The following CUL3 variants were observed in gnomAD, a reference collection of about 807,000 sequenced individuals.
CUL3 encodes the protein cullin 3.
A neutral mutation model predicts 89.1 loss-of-function variants in CUL3; 19 were observed. The ratio of observed to expected loss-of-function variants is 0.21; its 90% CI spans 0.15 to 0.31. The LOEUF is 0.31. Ranked by LOEUF, CUL3 falls within the 10% of genes least tolerant of loss-of-function variation. CUL3 has a pLI of 1.00. For synonymous variants in CUL3, 351 were observed against 308.4 expected (o/e 1.14, Z -1.45); for missense variants, 469 against 942.3 (o/e 0.50, Z 6.58).
intron 13 of CUL3, among the ~76,000 whole-genome samples, chr2:224,492,939 A>G (rs1433236511): frequency 1.3e-5 from 2 of 152,186 alleles, no homozygotes; most frequent in Non-Finnish European, 2.9e-5. Flanking sequence ...AAAGAGCCAC[A>G]TGAAAAGGCC....
In CUL3 at chr2:224,497,936, T is replaced by TGTGTG. The variant is rs1559346967; in HGVS notation, c.1611-88_1611-87insCACAC. On this transcript the variant is annotated intron_variant, in intron 11 of 15. Transcript: ENST00000264414. ...CTACAGGATAACATCCCTTAAACAT[T>TGTGTG]TGTGTGTGTGTGTGTGTGTGTATGG... 2.6e-4 allele frequency: 244 copies of TGTGTG among 923,268 alleles called. 1 individual carries two copies. Among genetic ancestry groups the TGTGTG allele is most frequent in the Middle Eastern group, 8.8e-4 (4 of 4,566 alleles). The allele number at this position is 923,268 out of a possible 1,614,324, so 57.2% of individuals were successfully genotyped here.
At chr2:224,571,035 A>G (rs2106321031) in intron 1 of CUL3, among the ~76,000 whole-genome samples, 1 of 152,340 alleles carries the variant, frequency 6.6e-6, no homozygotes, top group Admixed American at 6.5e-5. Context: ...ATAACATTTC[A>G]AAATGTGATA....
chr2:224,519,155 T>C (rs995999992), intron 3 of CUL3, among the ~76,000 whole-genome samples: 1 of 152,226 alleles, frequency 6.6e-6, no homozygotes, highest in South Asian at 2.1e-4. Flanking sequence ...ACTGACCTCA[T>C]GCATCGGGTT....
intron 2 of CUL3, among the ~76,000 whole-genome samples, chr2:224,549,284 C>T (rs1574683301): frequency 1.3e-5 from 2 of 151,072 alleles, no homozygotes; most frequent in South Asian, 4.2e-4. Context: ...GCCAACTGCA[C>T]TCCAGCCTGG....
chr2:224,577,343 C>G (rs1165652606), intron 1 of CUL3, among the ~76,000 whole-genome samples: 1 of 152,082 alleles, frequency 6.6e-6, no homozygotes, highest in Non-Finnish European at 1.5e-5. Flanking sequence ...ATGAGGCAGA[C>G]GGATCACGAG....
At chr2:224,478,058 A>C in intron 15 of CUL3, 142 bp downstream of exon 15, 1 of 739,462 alleles carries the variant, frequency 1.4e-6, no homozygotes, top group Non-Finnish European at 2.0e-6. Context: ...TTAGTTACCA[A>C]GTGAGTGCCA....
intron 2 of CUL3, among the ~76,000 whole-genome samples, chr2:224,536,856 T>C (rs1693917238): frequency 6.6e-6 from 1 of 152,238 alleles, no homozygotes; most frequent in Non-Finnish European, 1.5e-5. Flanking sequence ...CTCTGGTTCT[T>C]GTTTTATCAC....
At chr2:224,489,255 C>G (rs531508824) in intron 13 of CUL3, among the ~76,000 whole-genome samples, 1 of 152,266 alleles carries the variant, frequency 6.6e-6, no homozygotes, top group African/African-American at 2.4e-5. Context: ...AAGTTCTGGC[C>G]AGGGCAATCA....
intron 14 of CUL3, 158 bp from the exon 15 acceptor site, chr2:224,478,503 A>AAC (rs1691409996): frequency 6.2e-6 from 3 of 480,596 alleles, no homozygotes; most frequent in Non-Finnish European, 1.0e-5. Flanking sequence ...AACTGTCTTA[A>AAC]TGTTTACTTG....
intron 13 of CUL3, among the ~76,000 whole-genome samples, chr2:224,487,328 G>C (rs1269544014): frequency 6.6e-6 from 1 of 150,932 alleles, no homozygotes; most frequent in Non-Finnish European, 1.5e-5. Context: ...TGGCAAATTG[G>C]ATAAAGAGTC....
intron 2 of CUL3, among the ~76,000 whole-genome samples, chr2:224,538,485 G>C (rs1693974259): frequency 6.6e-6 from 1 of 152,158 alleles, no homozygotes; most frequent in South Asian, 2.1e-4. Flanking sequence ...GGGAAATATG[G>C]TGGGAGGGAT....
At chr2:224,505,474 C>T (rs1692563772) in intron 8 of CUL3, among the ~76,000 whole-genome samples, 1 of 152,110 alleles carries the variant, frequency 6.6e-6, no homozygotes, top group Admixed American at 6.5e-5. Context: ...CTTGCTCTGT[C>T]GCCCAGCATA....
At position 224,484,884 on chromosome 2, in the gene CUL3, G is replaced by A. The variant is rs540353478; in HGVS notation, c.1843-2806C>T. 8.9e-4 allele frequency among the ~76,000 whole-genome samples: 135 copies of A among 152,290 alleles called. 1 individual carries two copies. Among genetic ancestry groups the A allele is most frequent in the South Asian group, 5.8e-3 (28 of 4,818 alleles). ...ACAGCTCCGATCTGCAGCTCCCAGCGAGACTAATGCAGAAGGTGGGTGATT... is the reference window on the plus strand; with the variant it reads ...ACAGCTCCGATCTGCAGCTCCCAGCAAGACTAATGCAGAAGGTGGGTGATT... On this transcript the variant is annotated intron_variant, in intron 13 of 15. Transcript: ENST00000264414.
chr2:224,515,067 A>C (rs898066435), intron 3 of CUL3, among the ~76,000 whole-genome samples: 1 of 152,228 alleles, frequency 6.6e-6, no homozygotes, highest in East Asian at 1.9e-4. Flanking sequence ...GTAAATAGTA[A>C]GGTAGCACAC....
At chr2:224,510,599 C>T (rs565205323) in intron 6 of CUL3, among the ~76,000 whole-genome samples, 3 of 151,964 alleles carry the variant, frequency 2.0e-5, no homozygotes, top group Non-Finnish European at 4.4e-5. Context: ...AACAAAGTAC[C>T]ATGTTTTTTA....
chr2:224,476,195 T>G (rs949686811), intron 15 of CUL3, among the ~76,000 whole-genome samples: 1 of 152,028 alleles, frequency 6.6e-6, no homozygotes, highest in Non-Finnish European at 1.5e-5. Flanking sequence ...TTTTTGTATT[T>G]TCAGTAGGAC....
At chr2:224,535,404 A>T in intron 3 of CUL3, 124 bp downstream of exon 3, 1 of 578,930 alleles carries the variant, frequency 1.7e-6, no homozygotes, top group Non-Finnish European at 3.0e-6. Flanking sequence ...TCCTGACCTT[A>T]AATGATATGC....
intron 2 of CUL3, among the ~76,000 whole-genome samples, chr2:224,557,206 T>A (rs1187290324): frequency 6.6e-6 from 1 of 152,000 alleles, no homozygotes; most frequent in African/African-American, 2.4e-5. Context: ...AATTTATCTT[T>A]AAAAAAAATT....
chr2:224,474,306 A>G lies in CUL3; in HGVS notation c.2246T>C (p.Ile749Thr), dbSNP rs1559332999. Residue 749 changes from isoleucine to threonine, a missense_variant, in exon 16 of 16, where the codon ATT becomes ACT. By Grantham distance (89) the Ile-to-Thr change is moderately conservative. This residue lies in a region of CUL3 where 65 missense variants were observed against 147.8 expected (regional missense o/e 0.44). Coordinates refer to ENST00000264414, the MANE Select transcript of CUL3 (RefSeq NM_003590.5). Reference sequence around the variant, plus strand: ...TGTTCGTGCCAAATATTCTCTCTCAATAAGTCCTTCAATACGTTTCTTAAT... The same window carrying G: ...TGTTCGTGCCAAATATTCTCTCTCAGTAAGTCCTTCAATACGTTTCTTAAT... ...VVIKKRIEGL[I>T]EREYLARTPE... 5 of 1,614,034 alleles carry G rather than the reference A, an allele frequency of 3.1e-6. No homozygotes were observed. Among genetic ancestry groups the G allele is most frequent in the Non-Finnish European group, 4.2e-6 (5 of 1,179,916 alleles).
Sources: allele counts gnomAD v4.1 joint callset (sites outside exome capture counted in the v4.1 genomes callset), GRCh38; gene constraint gnomAD v4.1.1; regional missense constraint gnomAD v4.1.1; transcripts MANE v1.5; gene names NCBI Gene and HGNC (gene_info 2026-07-23, HGNC 2026-07-21).